The following KHDRBS1 variants were observed in gnomAD, a reference collection of about 807,000 sequenced individuals.
The protein encoded by KHDRBS1 is KH RNA binding domain containing, signal transduction associated 1.
KHDRBS1 carries 7 observed loss-of-function variants against 48.4 expected under a neutral mutation model. The ratio of observed to expected loss-of-function variants is 0.14; its 90% CI spans 0.08 to 0.27. The LOEUF (loss-of-function observed/expected upper bound fraction) is 0.27. KHDRBS1 is among the 10% of genes least tolerant of loss of function. The pLI is 1.00. For synonymous variants in KHDRBS1, 241 were observed against 235.8 expected (o/e 1.02, Z -0.20); for missense variants, 458 against 601.2 (o/e 0.76, Z 2.49).
chr1:32,048,295 G>T (rs914181532), downstream of KHDRBS1, among the ~76,000 whole-genome samples: 7 of 152,066 alleles, frequency 4.6e-5, no homozygotes, highest in African/African-American at 1.4e-4. Context: ...ATCACTTGAG[G>T]CCAGGAGTTC....
At chr1:32,048,524 T>TA (rs1359612303), downstream of KHDRBS1, among the ~76,000 whole-genome samples, 1 of 152,192 alleles carries the variant, frequency 6.6e-6, no homozygotes, top group African/African-American at 2.4e-5. Context: ...CCCAATAAAA[T>TA]ACATTTGCTG....
At chr1:32,016,639 C>T (rs1638745796) in intron 1 of KHDRBS1, among the ~76,000 whole-genome samples, 2 of 152,130 alleles carry the variant, frequency 1.3e-5, no homozygotes, top group South Asian at 2.1e-4. Context: ...CTCCAGGCAC[C>T]TTTGACCATT....
chr1:32,060,421 A>T (rs534069797), exon 11 of KHDRBS1: 3 of 152,072 alleles, frequency 2.0e-5, no homozygotes, highest in Non-Finnish European at 4.4e-5. Flanking sequence ...AAGGGGACTA[A>T]TGGGTATCCC....
intron 8 of KHDRBS1, among the ~76,000 whole-genome samples, chr1:32,042,217 G>T (rs1639293874): frequency 6.6e-6 from 1 of 152,188 alleles, no homozygotes; most frequent in African/African-American, 2.4e-5. Flanking sequence ...AAGGTGTTGG[G>T]TATCTCCAGG....
At chr1:32,016,877 C>A (rs1380938177) in intron 1 of KHDRBS1, among the ~76,000 whole-genome samples, 1 of 152,168 alleles carries the variant, frequency 6.6e-6, no homozygotes, top group African/African-American at 2.4e-5. Context: ...ATCTTCTATG[C>A]CTTGAAGAGT....
chr1:32,046,750 A>G (rs1034454671), downstream of KHDRBS1, among the ~76,000 whole-genome samples: 1 of 152,206 alleles, frequency 6.6e-6, no homozygotes, highest in Non-Finnish European at 1.5e-5. Flanking sequence ...CTACGCATAT[A>G]GAACCTTTCA....
At chr1:32,021,321 A>G (rs775552080) in intron 1 of KHDRBS1, among the ~76,000 whole-genome samples, 2 of 151,924 alleles carry the variant, frequency 1.3e-5, no homozygotes, top group Admixed American at 1.3e-4. Context: ...CCAATATTGT[A>G]TATAATATAT....
intron 1 of KHDRBS1, among the ~76,000 whole-genome samples, chr1:32,025,801 G>A (rs1294999832): frequency 7.4e-6 from 1 of 135,180 alleles, no homozygotes; most frequent in African/African-American, 2.8e-5. Flanking sequence ...GAGTGCAGTT[G>A]CACAGTCATC....
intron 4 of KHDRBS1, among the ~76,000 whole-genome samples, chr1:32,036,658 T>C (rs2124383457): frequency 6.6e-6 from 1 of 152,134 alleles, no homozygotes; most frequent in South Asian, 2.1e-4. Flanking sequence ...GTAGGTTATA[T>C]ATAGAGAGAG....
At chr1:32,025,705 C>T (rs1411611227) in intron 1 of KHDRBS1, among the ~76,000 whole-genome samples, 3 of 134,280 alleles carry the variant, frequency 2.2e-5, no homozygotes, top group Non-Finnish European at 4.8e-5. Flanking sequence ...CCTTCCTGCC[C>T]CCTCCCTTCT....
Position 32,042,605 on chromosome 1 carries a change from AC to A in KHDRBS1, c.1316del (p.Pro439HisfsTer58). ...ARPVKGAYRE[H>X]PYGRY The stretch of plus-strand genomic sequence containing the variant: ...CCAGTGAAGGGAGCATACAGAGAGC[AC>A]CCATATGGACGTTATTAAAAACAAA... On this transcript the variant is annotated frameshift_variant, in exon 9 of 9. Transcript: ENST00000327300. LOFTEE classifies it high-confidence loss of function. 6.2e-7 allele frequency: 1 copy of A among 1,607,796 alleles called. No homozygotes were observed. The highest frequency in any genetic ancestry group is 8.5e-7 in the Non-Finnish European group (1 of 1,174,432).
intron 1 of KHDRBS1, among the ~76,000 whole-genome samples, chr1:32,016,943 C>T (rs533734771): frequency 6.0e-4 from 92 of 152,192 alleles, no homozygotes; most frequent in Non-Finnish European, 1.3e-3. Context: ...TATTCACCTT[C>T]ATTGAAGATG....
At chr1:32,039,866 C>A (rs548809920) in intron 8 of KHDRBS1, among the ~76,000 whole-genome samples, 1 of 152,160 alleles carries the variant, frequency 6.6e-6, no homozygotes, top group South Asian at 2.1e-4. Context: ...GACTTATAAG[C>A]TAATGTTATT....
chr1:32,023,329 G>A (rs886705884), intron 1 of KHDRBS1, among the ~76,000 whole-genome samples: 8 of 152,166 alleles, frequency 5.3e-5, no homozygotes, highest in African/African-American at 1.9e-4. Context: ...TATCTGCTAT[G>A]TCACTAATTA....
intron 1 of KHDRBS1, among the ~76,000 whole-genome samples, chr1:32,014,734 G>A (rs1638701658): frequency 6.6e-6 from 1 of 152,188 alleles, no homozygotes; most frequent in African/African-American, 2.4e-5. Context: ...TTTCCCTGAA[G>A]GGAAACCCTT....
intron 8 of KHDRBS1, among the ~76,000 whole-genome samples, 170 bp downstream of exon 8, chr1:32,039,743 T>G (rs1414737608): frequency 1.3e-5 from 2 of 152,154 alleles, no homozygotes; most frequent in African/African-American, 4.8e-5. Flanking sequence ...AATTTTGCGG[T>G]ACATGGTAGA....
chr1:32,058,976 G>A (rs1402773336), intron 10 of KHDRBS1, among the ~76,000 whole-genome samples: 1 of 151,842 alleles, frequency 6.6e-6, no homozygotes, highest in African/African-American at 2.4e-5. Context: ...GGCCATCATG[G>A]TGAAACCCCA....
At position 32,024,490 on chromosome 1, in the gene KHDRBS1, T is replaced by A. The variant is rs116071801; in HGVS notation, c.383-5808T>A. Among the ~76,000 whole-genome samples the A allele has an allele frequency of 4.2e-3, 636 of 151,834 alleles. 2 individuals carry two copies. Among genetic ancestry groups the A allele is most frequent in the African/African-American group, 0.013 (531 of 41,426 alleles). On this transcript the variant is annotated intron_variant, in intron 1 of 8. Transcript: ENST00000327300. ...CACACTGAGCTAATTTAATTTATTT[T>A]TTTTTTTTTTAATTTTAGTAAAGAT... is the stretch of plus-strand genomic sequence containing the variant.
At chr1:32,054,363 C>CA (rs1639456530) in intron 10 of KHDRBS1, 1 of 152,080 alleles carries the variant, frequency 6.6e-6, no homozygotes, top group Non-Finnish European at 1.5e-5. Context: ...CTTGTCCTCC[C>CA]GCCTTCCCTC....
Sources: gnomAD v4.1 joint callset for allele counts (sites outside exome capture counted in the v4.1 genomes callset) on GRCh38, gnomAD v4.1.1 for gene constraint, MANE v1.5 for transcripts, NCBI Gene and HGNC (gene_info 2026-07-23, HGNC 2026-07-21) for gene names.